Variants in DCDC1 observed in about 807,000 individuals in gnomAD.
DCDC1 encodes doublecortin domain containing 1.
DCDC1 carries 200 observed loss-of-function variants against 178.3 expected under a neutral mutation model. The ratio of observed to expected loss-of-function variants is 1.12; its 90% CI spans 1.00 to 1.26. The LOEUF is 1.26. Among genes scored for constraint, DCDC1 ranks in the 50% most tolerant of loss-of-function variants. The pLI, the probability that DCDC1 is intolerant of heterozygous loss-of-function variation, is 0.00. For synonymous variants in DCDC1, 690 were observed against 604.8 expected (o/e 1.14, Z -2.07); for missense variants, 1,983 against 1,749.2 (o/e 1.13, Z -2.38).
chr11:31,091,314 G>T (rs1364272133), intron 17 of DCDC1, 79 bp downstream of exon 17: 2 of 627,874 alleles, frequency 3.2e-6, no homozygotes, highest in Non-Finnish European at 5.8e-6. Context: ...ATCCAAACCA[G>T]GAGGCATCAC....
intron 20 of DCDC1, among the ~76,000 whole-genome samples, chr11:30,982,768 C>T (rs1403725242): frequency 1.3e-5 from 2 of 152,082 alleles, no homozygotes; most frequent in Non-Finnish European, 2.9e-5. Context: ...TCAGTGCTGA[C>T]ATTTAAATGA....
intron 30 of DCDC1, 28 bp downstream of exon 30, chr11:30,906,512 C>T (rs777040777): frequency 8.8e-6 from 14 of 1,592,794 alleles, no homozygotes; most frequent in Non-Finnish European, 1.2e-5. Context: ...GCCATACATG[C>T]ATTAGCAGAG....
In DCDC1 at chr11:30,888,086, A is replaced by G. The variant is rs866863002; in HGVS notation, c.5082+4732T>C. ...AGAGAGAGAGAGAGAGAGAGAGAGA[A>G]AGAAAGAAAGAAAAAGAAAGAAAGA... On this transcript the variant is annotated intron_variant, in intron 36 of 38. Coordinates refer to ENST00000684477, the MANE Select transcript of DCDC1 (RefSeq NM_001387274.1). Among the ~76,000 whole-genome samples, 601 of 112,490 alleles carry G rather than the reference A, an allele frequency of 5.3e-3. 4 individuals carry two copies. The highest frequency in any genetic ancestry group is 9.1e-3 in the African/African-American group (266 of 29,300). The allele number at this position is 112,490 out of a possible 152,430, so 73.8% of individuals were successfully genotyped here.
intron 38 of DCDC1, 64 bp downstream of exon 38, chr11:30,878,480 G>T: frequency 7.4e-7 from 1 of 1,345,326 alleles, no homozygotes. Flanking sequence ...GGAACTGCAT[G>T]AAAATAAAAG....
At chr11:31,032,182 A>C (rs1467460458) in intron 20 of DCDC1, among the ~76,000 whole-genome samples, 1 of 152,166 alleles carries the variant, frequency 6.6e-6, no homozygotes, top group Non-Finnish European at 1.5e-5. Flanking sequence ...AGGCCCACAA[A>C]GTTCATATAG....
At chr11:31,332,697 G>A (rs894686820) in intron 2 of DCDC1, among the ~76,000 whole-genome samples, 1 of 152,190 alleles carries the variant, frequency 6.6e-6, no homozygotes, top group African/African-American at 2.4e-5. Flanking sequence ...TTTTGAGTGA[G>A]TTTCTTAATC....
At chr11:31,222,899 G>T (rs952005084) in intron 9 of DCDC1, among the ~76,000 whole-genome samples, 13 of 152,018 alleles carry the variant, frequency 8.6e-5, no homozygotes, top group African/African-American at 2.9e-4. Context: ...TAAATTTCGG[G>T]AAGACATAAA....
chr11:30,947,890 C>T (rs1565111411), intron 21 of DCDC1, among the ~76,000 whole-genome samples: 1 of 151,790 alleles, frequency 6.6e-6, no homozygotes, highest in Non-Finnish European at 1.5e-5. Flanking sequence ...AATAACCTAA[C>T]AAAAAAAGTG....
intron 38 of DCDC1, among the ~76,000 whole-genome samples, chr11:30,868,581 G>T (rs1293674278): frequency 6.6e-6 from 1 of 152,046 alleles, no homozygotes; most frequent in Non-Finnish European, 1.5e-5. Flanking sequence ...GGTGAAGTTT[G>T]CTCATCTGGG....
At position 31,063,803 on chromosome 11, in the gene DCDC1, A is replaced by C. The variant is rs1296059532; in HGVS notation, c.2591+666T>G. ...TGATAAGAATTATATGGCTCCTTTA[A>C]GAGTATTTCAGTCAACAGTAATTTC... is the stretch of plus-strand genomic sequence containing the variant. On this transcript the variant is annotated intron_variant, in intron 20 of 38. Transcript: ENST00000684477. Among the ~76,000 whole-genome samples, 7 of 152,294 alleles carry C rather than the reference A, an allele frequency of 4.6e-5. No individual in the cohort carries two copies. In the East Asian group the frequency reaches 1.4e-3, roughly 29 times the overall value.
At position 30,943,368 on chromosome 11, in the gene DCDC1, C is replaced by T. The variant is rs190877603; in HGVS notation, c.2715+9077G>A. On this transcript the variant is annotated intron_variant, in intron 21 of 38. Coordinates refer to ENST00000684477, the MANE Select transcript of DCDC1 (RefSeq NM_001387274.1). ...GAGCCTTCCCACGTCTCCTTTTCCC[C>T]CCTCTTTATTCTGGTAGCTACTTAT... 345 of 186,026 alleles carry T rather than the reference C, an allele frequency of 1.9e-3. 2 individuals are homozygous for T. The highest frequency in any genetic ancestry group is 7.9e-3 in the African/African-American group (332 of 42,076). The allele number at this position is 186,026 out of a possible 1,614,324, so 11.5% of individuals were successfully genotyped here.
chr11:30,894,295 G>T lies in DCDC1; in HGVS notation c.4855C>A (p.Gln1619Lys). Residue 1619 changes from glutamine to lysine, a missense_variant, in exon 35 of 39, where the codon CAG becomes AAG. By Grantham distance (53) the Gln-to-Lys change is moderately conservative (BLOSUM62 1). Coordinates refer to ENST00000684477, the MANE Select transcript of DCDC1 (RefSeq NM_001387274.1). ...PVVVEGGWTEQTQQEIKLMEL... is the reference protein window; with the variant it reads ...PVVVEGGWTEKTQQEIKLMEL... ...ATGAGTTTAATTTCCTGTTGAGTCT[G>T]TTCGGTCCAGCCTCCTTCAACCACC... 1 of 1,613,832 alleles carries T rather than the reference G, an allele frequency of 6.2e-7. No homozygotes were observed. Among genetic ancestry groups the T allele is most frequent in the Non-Finnish European group, 8.5e-7 (1 of 1,179,788 alleles).
Position 30,909,097 on chromosome 11 carries a change from T to A in DCDC1, c.3767A>T (p.Asn1256Ile), listed in dbSNP as rs746012559. The change falls in exon 29 of 39, where the codon AAT (asparagine) becomes ATT (isoleucine). Residue 1256 changes from asparagine to isoleucine, a missense_variant. By Grantham distance (149) the Asn-to-Ile change is moderately radical (BLOSUM62 -3). Transcript: ENST00000684477. The stretch of plus-strand genomic sequence containing the variant: ...ATGCCACTTTTGATTGGCAGCTCCA[T>A]TGTTGTACGGCTTATATTTCTGAAA... ...VIVQKYKPYN[N>I]GAANQKWHYM... 5 of 1,610,890 alleles carry A rather than the reference T, an allele frequency of 3.1e-6. No individual in the cohort carries two copies. Among genetic ancestry groups the A allele is most frequent in the South Asian group, 2.2e-5 (2 of 90,768 alleles).
chr11:31,246,358 C>T (rs987156647), intron 8 of DCDC1, among the ~76,000 whole-genome samples: 1 of 151,956 alleles, frequency 6.6e-6, no homozygotes, highest in East Asian at 1.9e-4. Context: ...TCTTTGGCAG[C>T]AAGCTGCAGA....
At chr11:30,995,977 GAGAA>G (rs1289754069) in intron 20 of DCDC1, among the ~76,000 whole-genome samples, 3 of 152,088 alleles carry the variant, frequency 2.0e-5, no homozygotes, top group African/African-American at 7.2e-5. Flanking sequence ...GAAAATGAAA[GAGAA>G]GACACAGACT....
intron 34 of DCDC1, among the ~76,000 whole-genome samples, chr11:30,898,649 G>A (rs1440963817): frequency 6.6e-6 from 1 of 152,150 alleles, no homozygotes; most frequent in African/African-American, 2.4e-5. Context: ...AAGTGAAAAT[G>A]TCTAGCAGTA....
chr11:31,359,887 T>A (rs1469597313), intron 1 of DCDC1, among the ~76,000 whole-genome samples: 1 of 152,188 alleles, frequency 6.6e-6, no homozygotes, highest in Non-Finnish European at 1.5e-5. Context: ...ATGCAACAGA[T>A]CTGAACTCAA....
chr11:31,319,328 G>T (rs1949241335), intron 3 of DCDC1, among the ~76,000 whole-genome samples: 1 of 51,716 alleles, frequency 1.9e-5, no homozygotes, highest in Non-Finnish European at 3.3e-5. Flanking sequence ...CTTGCTTTAT[G>T]AATCTGGGTG....
At chr11:31,274,642 C>G (rs999913789) in intron 7 of DCDC1, among the ~76,000 whole-genome samples, 4 of 151,818 alleles carry the variant, frequency 2.6e-5, no homozygotes, top group Admixed American at 6.6e-5. Flanking sequence ...AGGAAAGAAG[C>G]CTTCCTTATG....
Sources: gnomAD v4.1 joint callset for allele counts (sites outside exome capture counted in the v4.1 genomes callset) on GRCh38, gnomAD v4.1.1 for gene constraint, MANE v1.5 for transcripts, NCBI Gene and HGNC (gene_info 2026-07-23, HGNC 2026-07-21) for gene names.